PAH: variants seen among roughly 807,000 people sequenced by gnomAD.
The protein encoded by PAH is phenylalanine hydroxylase.
PAH carries 64 observed loss-of-function variants against 62.0 expected under a neutral mutation model. The ratio of observed to expected loss-of-function variants is 1.03; its 90% CI spans 0.84 to 1.27. PAH has a LOEUF of 1.27. Among genes scored for constraint, PAH ranks in the 50% most tolerant of loss-of-function variants. The pLI, the probability that PAH is intolerant of heterozygous loss-of-function variation, is 0.00. For synonymous variants in PAH, 195 were observed against 196.2 expected (o/e 0.99, Z 0.05); for missense variants, 579 against 542.8 (o/e 1.07, Z -0.66).
Position 102,894,822 on chromosome 12 carries a change from G to T in PAH, c.265C>A (p.Pro89Thr), listed in dbSNP as rs62507270. ...FFTHLDKRSL[P>T]ALTNIIKILR... ...ATCTTGATGATGTTTGTCAGAGCAGGCAGGCTACGTTTATCCAAATGGGTG... is the reference window on the plus strand; with the variant it reads ...ATCTTGATGATGTTTGTCAGAGCAGTCAGGCTACGTTTATCCAAATGGGTG... Residue 89 changes from proline to threonine, a missense_variant, in exon 3 of 13, where the codon CCT becomes ACT. Physicochemically the swap from Pro to Thr is conservative, Grantham distance 38 (BLOSUM62 -1). Coordinates refer to ENST00000553106, the MANE Select transcript of PAH (RefSeq NM_000277.3). 1 of 1,613,800 alleles carries T rather than the reference G, an allele frequency of 6.2e-7. No individual in the cohort carries two copies. The highest frequency in any genetic ancestry group is 1.7e-5 in the Admixed American group (1 of 60,012).
chr12:102,890,772 T>C (rs1592976468), intron 3 of PAH, among the ~76,000 whole-genome samples: 1 of 152,232 alleles, frequency 6.6e-6, no homozygotes, highest in Non-Finnish European at 1.5e-5. Context: ...TATTACATGA[T>C]GCCTCTATGT....
upstream of PAH, among the ~76,000 whole-genome samples, chr12:102,918,093 G>C (rs1329978218): frequency 1.3e-5 from 2 of 152,166 alleles, no homozygotes; most frequent in Non-Finnish European, 2.9e-5. Context: ...ATATAAATAA[G>C]TTTAGGTAGG....
In PAH at chr12:102,846,963, G is replaced by C; in HGVS notation, c.913-12C>G. The C allele has an allele frequency of 1.9e-6, 3 of 1,611,134 alleles. No individual in the cohort carries two copies. The highest frequency in any genetic ancestry group is 2.5e-6 in the Non-Finnish European group (3 of 1,177,392). On this transcript the variant is annotated splice_polypyrimidine_tract_variant and intron_variant, in intron 8 of 12. Transcript: ENST00000553106. ...GCAAGGCCAATTTCCTGTAATTGGG[G>C]GAAAATAGAACCTGTTCTGTTCCTG...
At chr12:102,947,089 A>G (rs1879528131) in intron 1 of PAH, among the ~76,000 whole-genome samples, 1 of 152,194 alleles carries the variant, frequency 6.6e-6, no homozygotes, top group Non-Finnish European at 1.5e-5. Context: ...TGATATAGTA[A>G]TAGGGAGGAA....
chr12:102,897,137 G>T (rs972162619), intron 2 of PAH, among the ~76,000 whole-genome samples: 2 of 152,116 alleles, frequency 1.3e-5, no homozygotes, highest in Admixed American at 6.5e-5. Flanking sequence ...ACCCTTTAAA[G>T]ATTCTCTATA....
upstream of PAH, among the ~76,000 whole-genome samples, chr12:102,955,194 G>A (rs1003615813): frequency 6.6e-6 from 1 of 152,166 alleles, no homozygotes; most frequent in African/African-American, 2.4e-5. Context: ...CATGGTGTGT[G>A]TAGGGGGGAG....
intron 2 of PAH, among the ~76,000 whole-genome samples, chr12:102,896,680 G>T (rs1055913261): frequency 6.6e-6 from 1 of 152,164 alleles, no homozygotes; most frequent in African/African-American, 2.4e-5. Flanking sequence ...AGAAGAGTTT[G>T]TGGGTAGGAA....
chr12:102,840,735 A>T lies in PAH; in HGVS notation c.1200-220T>A, dbSNP rs564739327. On this transcript the variant is annotated intron_variant, in intron 11 of 12. Coordinates refer to ENST00000553106, the MANE Select transcript of PAH (RefSeq NM_000277.3). ...TGTGTATGTACAAACACATATATAC[A>T]CATGTTTATTTAGTCCCCTGGCTCC... is the stretch of plus-strand genomic sequence containing the variant. 5.3e-5 allele frequency among the ~76,000 whole-genome samples: 8 copies of T among 152,324 alleles called. No homozygotes were observed. In the East Asian group the frequency reaches 1.5e-3, roughly 29 times the overall value.
chr12:102,864,724 CTG>C (rs1379664619), intron 5 of PAH, among the ~76,000 whole-genome samples: 1 of 150,152 alleles, frequency 6.7e-6, no homozygotes, highest in Admixed American at 6.7e-5. Context: ...CTGGGAATGA[CTG>C]TGAAAGTGTA....
intron 4 of PAH, among the ~76,000 whole-genome samples, chr12:102,872,911 T>G (rs1159869681): frequency 6.6e-6 from 1 of 152,216 alleles, no homozygotes; most frequent in Non-Finnish European, 1.5e-5. Context: ...GAGGTTGCAG[T>G]GAGCTGAGAT....
intron 2 of PAH, among the ~76,000 whole-genome samples, chr12:102,905,748 C>T (rs1480337563): frequency 4.2e-4 from 64 of 151,382 alleles, no homozygotes; most frequent in Admixed American, 4.1e-3. Context: ...TCATGCACAG[C>T]AAGAACCCCT....
At chr12:102,865,145 T>C (rs4764918) in intron 5 of PAH, among the ~76,000 whole-genome samples, 1 of 152,034 alleles carries the variant, frequency 6.6e-6, no homozygotes, top group South Asian at 2.1e-4. Flanking sequence ...AATTTCACTC[T>C]TCTTCATAAG....
At chr12:102,849,665 T>C (rs1362641147) in intron 8 of PAH, among the ~76,000 whole-genome samples, 1 of 152,204 alleles carries the variant, frequency 6.6e-6, no homozygotes, top group African/African-American at 2.4e-5. Context: ...ATTCAAATTC[T>C]TAGCCTGGAT....
intron 1 of PAH, chr12:102,913,766 C>T (rs1878287682): frequency 5.7e-6 from 4 of 698,498 alleles, no homozygotes; most frequent in South Asian, 1.5e-5. Flanking sequence ...TAGTCTTAAA[C>T]TAAATCTCAA....
chr12:102,881,240 C>T (rs577836982), intron 3 of PAH, among the ~76,000 whole-genome samples: 18 of 151,394 alleles, frequency 1.2e-4, no homozygotes, highest in African/African-American at 4.1e-4. Flanking sequence ...TCTCGAACTC[C>T]TGACCTCATG....
intron 1 of PAH, chr12:102,958,177 C>CCCTCGCGGGCCCCGCA: frequency 7.9e-7 from 1 of 1,260,380 alleles, no homozygotes; most frequent in Non-Finnish European, 1.0e-6. Context: ...CTCTGTGTCC[C>CCCTCGCGGGCCCCGCA]CCTCGCGGGC....
chr12:102,903,661 T>C (rs1490134025), intron 2 of PAH, among the ~76,000 whole-genome samples: 1 of 152,202 alleles, frequency 6.6e-6, no homozygotes, highest in Non-Finnish European at 1.5e-5. Context: ...GTCTGTCTAC[T>C]GTAAAAATGG....
chr12:102,910,038 A>G (rs1250947808), intron 2 of PAH, among the ~76,000 whole-genome samples: 1 of 152,212 alleles, frequency 6.6e-6, no homozygotes, highest in Non-Finnish European at 1.5e-5. Context: ...TTATTAAGGT[A>G]AAAAATTTTC....
intron 5 of PAH, among the ~76,000 whole-genome samples, chr12:102,859,557 C>T (rs1217350084): frequency 6.6e-6 from 1 of 152,160 alleles, no homozygotes; most frequent in Non-Finnish European, 1.5e-5. Context: ...TGATGAACAT[C>T]AATGCAAAAA....
Sources: allele counts gnomAD v4.1 joint callset (sites outside exome capture counted in the v4.1 genomes callset), GRCh38; gene constraint gnomAD v4.1.1; transcripts MANE v1.5; gene names NCBI Gene and HGNC (gene_info 2026-07-23, HGNC 2026-07-21).